The following GMCL1 variants were observed in gnomAD, a reference collection of about 807,000 sequenced individuals.
GMCL1 encodes germ cell-less protein-like 1.
Under a neutral mutation model 75.5 loss-of-function variants are expected in GMCL1, and 54 were observed. That is an observed-to-expected ratio of 0.71 (90% CI 0.57 to 0.90). The LOEUF is 0.90. GMCL1 is among the 40% of genes least tolerant of loss of function. GMCL1 has a pLI of 0.00. For synonymous variants in GMCL1, 210 were observed against 209.6 expected (o/e 1.00, Z -0.02); for missense variants, 537 against 622.7 (o/e 0.86, Z 1.47).
At chr2:69,836,475 C>T (rs1045225635) in intron 1 of GMCL1, among the ~76,000 whole-genome samples, 1 of 152,148 alleles carries the variant, frequency 6.6e-6, no homozygotes, top group African/African-American at 2.4e-5. Context: ...CCTCTTTTTA[C>T]AGCTGTGATA....
In GMCL1 at chr2:69,829,773, C is replaced by T; in HGVS notation, c.-120C>T. 2 of 1,136,028 alleles carry T rather than the reference C, an allele frequency of 1.8e-6. No individual in the cohort carries two copies. Among genetic ancestry groups the T allele is most frequent in the Non-Finnish European group, 2.4e-6 (2 of 827,484 alleles). 70.4% of individuals were successfully genotyped at this position (1,136,028 alleles called of 1,614,324 possible). ...GTGGCGTCCGCTGCAACGGTTGGGG[C>T]TGCGCGTGAGAAGGTGGCGGTGTAG... is the stretch of plus-strand genomic sequence containing the variant. On this transcript the variant is annotated 5_prime_UTR_variant, in exon 1 of 14. Coordinates refer to ENST00000282570, the MANE Select transcript of GMCL1 (RefSeq NM_178439.5).
intron 1 of GMCL1, among the ~76,000 whole-genome samples, chr2:69,833,621 C>T (rs955004935): frequency 1.7e-4 from 26 of 152,150 alleles, no homozygotes; most frequent in African/African-American, 6.3e-4. Context: ...GTCTCAAAAA[C>T]TAAACAAATA....
At position 69,849,619 on chromosome 2, in the gene GMCL1, A is replaced by G. The variant is rs747666431; in HGVS notation, c.844-33A>G. 9.4e-6 allele frequency: 12 copies of G among 1,279,080 alleles called. 1 individual carries two copies. The South Asian group carries it at 1.5e-4, about 16-fold the overall frequency. 79.2% of individuals were successfully genotyped at this position (1,279,080 alleles called of 1,614,324 possible). A position where few individuals can be genotyped will look rare whatever the true frequency, so the allele number is the denominator to read the frequency against. ...AAATCATAAAATGATGAAATTTCAT[A>G]ATTGTTTTCTTATTTAATTTTTTTT... On this transcript the variant is annotated intron_variant, in intron 7 of 13. Coordinates refer to ENST00000282570, the MANE Select transcript of GMCL1 (RefSeq NM_178439.5).
intron 12 of GMCL1, among the ~76,000 whole-genome samples, chr2:69,870,870 A>C (rs1263844726): frequency 6.6e-6 from 1 of 152,156 alleles, no homozygotes; most frequent in African/African-American, 2.4e-5. Context: ...AAAACAACAA[A>C]AGTAACAGGT....
rs755400969 is a variant in GMCL1 at position 69,843,251 on chromosome 2, GT to G, written c.683del (p.Val228GlufsTer10). ...AGCAGGGACCTATGGATTAGATTCT[GT>G]AAAGAAAAAGTGAGTTGCCTTTCTT... Reference protein sequence around the residue: ...TSAGTYGLDSVKKKCLEWLLN... With the variant: ...TSAGTYGLDSXKKKCLEWLLN... On this transcript the variant is annotated frameshift_variant, in exon 5 of 14. Coordinates refer to ENST00000282570, the MANE Select transcript of GMCL1 (RefSeq NM_178439.5). LOFTEE classifies it high-confidence loss of function. The G allele has an allele frequency of 6.3e-7, 1 of 1,577,538 alleles. No individual in the cohort carries two copies. Among genetic ancestry groups the G allele is most frequent in the Non-Finnish European group, 8.7e-7 (1 of 1,149,532 alleles).
intron 11 of GMCL1, 72 bp from the exon 12 acceptor site, chr2:69,869,647 C>T: frequency 6.9e-7 from 1 of 1,459,198 alleles, no homozygotes; most frequent in East Asian, 2.3e-5. Context: ...GACAAAAAGA[C>T]ATTTTGAATT....
In GMCL1 at chr2:69,841,011, T is replaced by C; in HGVS notation, c.551T>C (p.Ile184Thr). 6.2e-7 allele frequency: 1 copy of C among 1,613,846 alleles called. No individual in the cohort carries two copies. Among genetic ancestry groups the C allele is most frequent in the Non-Finnish European group, 8.5e-7 (1 of 1,179,760 alleles). Reference sequence around the variant, plus strand: ...ATAAAGCCCAGTCGAGTTGTTGCCATTTTGGCAGCAGCTTGTTTGCTGCAG... The same window carrying C: ...ATAAAGCCCAGTCGAGTTGTTGCCACTTTGGCAGCAGCTTGTTTGCTGCAG... ...VLIKPSRVVA[I>T]LAAACLLQLD... Residue 184 changes from isoleucine (I) to threonine (T), a missense_variant, in exon 4 of 14, where the codon ATT becomes ACT. Ile to Thr is a moderately conservative substitution (Grantham distance 89, BLOSUM62 -1). Coordinates refer to ENST00000282570, the MANE Select transcript of GMCL1 (RefSeq NM_178439.5).
intron 6 of GMCL1, among the ~76,000 whole-genome samples, chr2:69,845,700 C>T (rs1218843543): frequency 6.6e-6 from 1 of 152,178 alleles, no homozygotes; most frequent in African/African-American, 2.4e-5. Flanking sequence ...ATGATTTTGT[C>T]ATGGTCTCTT....
At position 69,837,515 on chromosome 2, in the gene GMCL1, TA is replaced by T. The variant is rs756871635; in HGVS notation, c.261-29del. ...AATCAGTAAAACATTCAGTTTTATA[TA>T]AATATGTGACTTTTTCATTTCTTTT... is the stretch of plus-strand genomic sequence containing the variant. On this transcript the variant is annotated intron_variant, in intron 1 of 13. Transcript: ENST00000282570. 15 of 1,410,756 alleles carry T rather than the reference TA, an allele frequency of 1.1e-5. No individual in the cohort carries two copies. The African/African-American group carries it at 2.1e-4, about 19-fold the overall frequency. 87.4% of individuals were successfully genotyped at this position (1,410,756 alleles called of 1,614,324 possible). A position where few individuals can be genotyped will look rare whatever the true frequency, so the allele number is the denominator to read the frequency against.
chr2:69,844,070 C>A, intron 5 of GMCL1, 61 bp from the exon 6 acceptor site: 1 of 759,978 alleles, frequency 1.3e-6, no homozygotes, highest in South Asian at 2.2e-5. Flanking sequence ...AACTATAAGT[C>A]CTACTTAATA....
chr2:69,872,861 C>G (rs1573374993), intron 13 of GMCL1, among the ~76,000 whole-genome samples: 1 of 152,166 alleles, frequency 6.6e-6, no homozygotes, highest in East Asian at 1.9e-4. Flanking sequence ...ACTGTCATGG[C>G]TCAAACCCAG....
At chr2:69,841,169 C>A (rs1674974649) in intron 4 of GMCL1, 130 bp downstream of exon 4, 2 of 606,612 alleles carry the variant, frequency 3.3e-6, no homozygotes, top group African/African-American at 1.9e-5. Context: ...ATAAATATGA[C>A]ATTTATTATA....
In GMCL1 at chr2:69,830,140, A is replaced by G; in HGVS notation, c.248A>G (p.Asn83Ser). The stretch of plus-strand genomic sequence containing the variant: ...GGGGACGAGCAGCAGCGGCTCCTCA[A>G]CACCCCTCGAAGGTACGTGGGGGCA... Reference protein sequence around the residue: ...EEGDEQQRLLNTPRRKKLKST... With the variant: ...EEGDEQQRLLSTPRRKKLKST... The change falls in exon 1 of 14, where the codon AAC becomes AGC. Residue 83 changes from asparagine (N) to serine (S), a missense_variant. By Grantham distance (46) the Asn-to-Ser change is conservative. Around this residue, in one of 3 missense-constraint regions of GMCL1, gnomAD observed 144 missense variants for 127.2 expected, o/e 1.13. Transcript: ENST00000282570. 4 of 1,565,886 alleles carry G rather than the reference A, an allele frequency of 2.6e-6. No homozygotes were observed. Among genetic ancestry groups the G allele is most frequent in the Non-Finnish European group, 3.5e-6 (4 of 1,155,058 alleles).
intron 8 of GMCL1, among the ~76,000 whole-genome samples, chr2:69,850,021 A>G (rs984190117): frequency 3.3e-5 from 5 of 152,138 alleles, no homozygotes; most frequent in Non-Finnish European, 7.4e-5. Flanking sequence ...GCCAAAAACT[A>G]TTGTTTTTCC....
rs71397366 is a variant in GMCL1 at position 69,838,336 on chromosome 2, CAAAAAAAA to C, written c.384+687_384+694del. Among the ~76,000 whole-genome samples, 49 of 31,524 alleles carry C rather than the reference CAAAAAAAA, an allele frequency of 1.6e-3. 1 individual carries two copies. Among genetic ancestry groups the C allele is most frequent in the African/African-American group, 3.5e-3 (33 of 9,436 alleles). The allele number at this position is 31,524 out of a possible 152,430, so 20.7% of individuals were successfully genotyped here. On this transcript the variant is annotated intron_variant, in intron 2 of 13. Transcript: ENST00000282570. ...TGGGCAACAGAGCGAGACTCTGTCT[CAAAAAAAA>C]AAAAAAAAAAAAAAAAAAAATCGGA...
At chr2:69,875,195 G>A (rs1198717252) in intron 13 of GMCL1, among the ~76,000 whole-genome samples, 1 of 151,620 alleles carries the variant, frequency 6.6e-6, no homozygotes, top group Non-Finnish European at 1.5e-5. Flanking sequence ...TCTTTTTATG[G>A]CTTAATTTTT....
At chr2:69,849,891 C>CTTA (rs375022482) in intron 8 of GMCL1, 149 bp downstream of exon 8, 11 of 468,542 alleles carry the variant, frequency 2.3e-5, no homozygotes, top group African/African-American at 2.0e-4. Context: ...TGGAGAAGAC[C>CTTA]TTAGCAATTA....
Position 69,847,455 on chromosome 2 carries a change from A to T in GMCL1, c.759-88A>T, listed in dbSNP as rs551191226. ...CATTTTTAATTCCACATATTTTTTT[A>T]CAAGAAAGACTTAAAGCTTTTATTT... On this transcript the variant is annotated intron_variant, in intron 6 of 13. Coordinates refer to ENST00000282570, the MANE Select transcript of GMCL1 (RefSeq NM_178439.5). 3 of 826,316 alleles carry T rather than the reference A, an allele frequency of 3.6e-6. No individual in the cohort carries two copies. The East Asian group carries it at 7.4e-5, about 20-fold the overall frequency. The allele number at this position is 826,316 out of a possible 1,614,324, so 51.2% of individuals were successfully genotyped here.
intron 9 of GMCL1, among the ~76,000 whole-genome samples, chr2:69,855,445 A>G (rs1320050584): frequency 6.6e-6 from 1 of 151,974 alleles, no homozygotes; most frequent in Non-Finnish European, 1.5e-5. Context: ...TTAAATCTCT[A>G]GTGCTTGTGA....
Sources: gnomAD v4.1 joint callset for allele counts (sites outside exome capture counted in the v4.1 genomes callset) on GRCh38, gnomAD v4.1.1 for gene constraint, gnomAD v4.1.1 regional missense constraint, MANE v1.5 for transcripts, NCBI Gene and HGNC (gene_info 2026-07-23, HGNC 2026-07-21) for gene names.